Variants in NRG3 observed in about 807,000 individuals in gnomAD.
The protein encoded by NRG3 is neuregulin 3.
Under a neutral mutation model 66.9 loss-of-function variants are expected in NRG3, and 31 were observed. That is an observed-to-expected ratio of 0.46 (90% CI 0.35 to 0.63). The LOEUF (loss-of-function observed/expected upper bound fraction) is 0.63. NRG3 is among the 20% of genes least tolerant of loss of function. The pLI is 0.00. For missense variants in NRG3, 910 were observed against 878.9 expected (o/e 1.04, Z -0.45); for synonymous variants, 393 against 359.4 (o/e 1.09, Z -1.06).
At chr10:82,623,440 T>G in intron 2 of NRG3, among the ~76,000 whole-genome samples, 1 of 152,220 alleles carries the variant, frequency 6.6e-6, no homozygotes, top group East Asian at 1.9e-4. Context: ...ATTTGCTCTC[T>G]GCCTTGTTCC....
At chr10:81,952,025 A>G (rs1849404258) in intron 1 of NRG3, among the ~76,000 whole-genome samples, 1 of 152,084 alleles carries the variant, frequency 6.6e-6, no homozygotes, top group Non-Finnish European at 1.5e-5. Context: ...CACAAGGACA[A>G]AAAACCAAAC....
At chr10:82,413,066 A>C (rs1176207881) in intron 2 of NRG3, among the ~76,000 whole-genome samples, 2 of 152,146 alleles carry the variant, frequency 1.3e-5, no homozygotes. Flanking sequence ...GTTATTGTTG[A>C]TATTTTGACT....
intron 1 of NRG3, among the ~76,000 whole-genome samples, chr10:81,986,221 T>G (rs1247042399): frequency 6.6e-6 from 1 of 152,176 alleles, no homozygotes; most frequent in Non-Finnish European, 1.5e-5. Context: ...AATTAGGCTG[T>G]TTTTCAGAAA....
chr10:81,918,391 G>T (rs1295659396), intron 1 of NRG3, among the ~76,000 whole-genome samples: 1 of 152,130 alleles, frequency 6.6e-6, no homozygotes, highest in Non-Finnish European at 1.5e-5. Flanking sequence ...TGTTATATGG[G>T]CAGAGTAAAC....
chr10:82,518,092 C>T (rs1438612243), intron 2 of NRG3, among the ~76,000 whole-genome samples: 1 of 152,068 alleles, frequency 6.6e-6, no homozygotes, highest in Admixed American at 6.6e-5. Flanking sequence ...TTACTGTTGA[C>T]ATAGGACATG....
rs867313856 is a variant in NRG3, at chr10:82,218,245, T to A, written c.824-140494T>A. ...AATTTAGGTTATGTCCCATACAAAT[T>A]AACAGCATAATATTACGTGATTAGT... On this transcript the variant is annotated intron_variant, in intron 1 of 8. Coordinates refer to ENST00000372141, the MANE Select transcript of NRG3 (RefSeq NM_001010848.4). 3.3e-5 allele frequency among the ~76,000 whole-genome samples: 5 copies of A among 152,168 alleles called. No individual in the cohort carries two copies. The South Asian group carries it at 6.2e-4, about 19-fold the overall frequency.
chr10:82,894,424 A>G (rs1313642850), intron 4 of NRG3, among the ~76,000 whole-genome samples: 1 of 152,198 alleles, frequency 6.6e-6, no homozygotes, highest in Admixed American at 6.5e-5. Context: ...CAATAGTTTT[A>G]AAAGGGTAAG....
chr10:82,773,237 A>G (rs1451400895), intron 3 of NRG3, among the ~76,000 whole-genome samples: 1 of 152,122 alleles, frequency 6.6e-6, no homozygotes, highest in East Asian at 1.9e-4. Context: ...AACTGGGTTC[A>G]CCTTGCCAAC....
chr10:82,705,313 A>G (rs2056203742), intron 2 of NRG3, among the ~76,000 whole-genome samples: 2 of 152,190 alleles, frequency 1.3e-5, no homozygotes, highest in Admixed American at 1.3e-4. Context: ...TCTGCTTTGC[A>G]TGTTAGACAA....
chr10:82,689,062 T>A (rs961485313), intron 2 of NRG3, among the ~76,000 whole-genome samples: 1 of 152,194 alleles, frequency 6.6e-6, no homozygotes, highest in African/African-American at 2.4e-5. Flanking sequence ...GAATCATATC[T>A]CCTTTTATAA....
chr10:82,519,575 T>C (rs1354563125), intron 2 of NRG3, among the ~76,000 whole-genome samples: 1 of 152,202 alleles, frequency 6.6e-6, no homozygotes, highest in Non-Finnish European at 1.5e-5. Context: ...TCAGTTTATG[T>C]CCTCAGTACC....
intron 1 of NRG3, among the ~76,000 whole-genome samples, chr10:82,240,680 A>G (rs1404001697): frequency 6.6e-6 from 1 of 152,192 alleles, no homozygotes; most frequent in Non-Finnish European, 1.5e-5. Flanking sequence ...TAGGCTATTT[A>G]CTTTGTCTGA....
chr10:82,386,172 C>G (rs2085974610), intron 2 of NRG3, among the ~76,000 whole-genome samples: 1 of 151,926 alleles, frequency 6.6e-6, no homozygotes, highest in South Asian at 2.1e-4. Context: ...TTTAAAAGGC[C>G]ATACATATTT....
intron 1 of NRG3, among the ~76,000 whole-genome samples, chr10:82,146,798 A>G (rs2070298470): frequency 6.6e-6 from 1 of 152,078 alleles, no homozygotes; most frequent in Non-Finnish European, 1.5e-5. Context: ...TGCAAAAACT[A>G]TTTCTTTTTG....
intron 1 of NRG3, among the ~76,000 whole-genome samples, chr10:81,897,360 C>T (rs934135347): frequency 6.6e-6 from 1 of 152,136 alleles, no homozygotes; most frequent in African/African-American, 2.4e-5. Flanking sequence ...GAACTGCACT[C>T]TTGAAAGCTA....
At chr10:82,090,311 G>A (rs1207216132) in intron 1 of NRG3, among the ~76,000 whole-genome samples, 1 of 152,144 alleles carries the variant, frequency 6.6e-6, no homozygotes, top group Non-Finnish European at 1.5e-5. Context: ...TTGAATTAGA[G>A]TACACTGTTT....
chr10:81,890,107 A>T (rs1288048327), intron 1 of NRG3, among the ~76,000 whole-genome samples: 1 of 152,202 alleles, frequency 6.6e-6, no homozygotes, highest in Non-Finnish European at 1.5e-5. Flanking sequence ...CCCTAAAGAG[A>T]AAAGGTCAAG....
chr10:82,461,048 G>A (rs568224622), intron 2 of NRG3, among the ~76,000 whole-genome samples: 20 of 151,184 alleles, frequency 1.3e-4, no homozygotes, highest in African/African-American at 1.2e-4. Flanking sequence ...TGCTACCACC[G>A]TCAACAATAT....
chr10:82,630,532 C>T (rs894468325), intron 2 of NRG3, among the ~76,000 whole-genome samples: 2 of 151,692 alleles, frequency 1.3e-5, no homozygotes, highest in African/African-American at 4.8e-5. Context: ...TTTAAGTTGG[C>T]CCGGACGTGG....
Sources: gnomAD v4.1 joint callset for allele counts (sites outside exome capture counted in the v4.1 genomes callset) on GRCh38, gnomAD v4.1.1 for gene constraint, MANE v1.5 for transcripts, NCBI Gene and HGNC (gene_info 2026-07-23, HGNC 2026-07-21) for gene names.